The following CSMD1 variants were observed in gnomAD, a reference collection of about 807,000 sequenced individuals.
CSMD1 encodes the protein CUB and Sushi multiple domains 1.
In CSMD1, 213 loss-of-function variants were observed where a neutral mutation model predicts 417.5. The ratio of observed to expected loss-of-function variants is 0.51; its 90% CI spans 0.46 to 0.57. CSMD1 has a LOEUF of 0.57. Ranked by LOEUF, CSMD1 falls within the 20% of genes least tolerant of loss-of-function variation. The pLI, the probability that CSMD1 is intolerant of heterozygous loss-of-function variation, is 0.00. For missense variants in CSMD1, 6,923 were observed against 4,529.7 expected, an observed-to-expected ratio of 1.53 and a Z score of -15.17; for synonymous variants, 2,862 against 1,736.8, an observed-to-expected ratio of 1.65 and a Z score of -16.11.
At chr8:3,895,260 G>C (rs1783543420) in intron 5 of CSMD1, among the ~76,000 whole-genome samples, 1 of 152,132 alleles carries the variant, frequency 6.6e-6, no homozygotes, top group African/African-American at 2.4e-5. Flanking sequence ...ACAACAAAGA[G>C]ATGGTCTACT....
Position 3,535,027 on chromosome 8 carries a change from A to G in CSMD1, c.1344+39918T>C, listed in dbSNP as rs552528075. 1.1e-4 allele frequency among the ~76,000 whole-genome samples: 17 copies of G among 152,302 alleles called. No individual in the cohort carries two copies. The South Asian group carries it at 2.5e-3, about 22-fold the overall frequency. On this transcript the variant is annotated intron_variant, in intron 10 of 69. Coordinates refer to ENST00000635120, the MANE Select transcript of CSMD1 (RefSeq NM_033225.6). ...CAGTGGTGCAATCAGAACTCACCGT[A>G]GCATTCAACTCCTGGGCTTAAGCCA...
At chr8:3,825,108 G>A (rs751009380) in intron 5 of CSMD1, among the ~76,000 whole-genome samples, 11 of 152,080 alleles carry the variant, frequency 7.2e-5, no homozygotes, top group Non-Finnish European at 1.6e-4. Context: ...AGGCATTTTC[G>A]AGGAAAATGA....
chr8:3,231,147 G>A (rs1348727082), intron 26 of CSMD1, among the ~76,000 whole-genome samples: 1 of 152,116 alleles, frequency 6.6e-6, no homozygotes, highest in East Asian at 1.9e-4. Context: ...AATAGCAGTT[G>A]TTTTCTCCAG....
At chr8:4,782,421 C>T (rs1176394623) in intron 1 of CSMD1, among the ~76,000 whole-genome samples, 1 of 152,014 alleles carries the variant, frequency 6.6e-6, no homozygotes, top group African/African-American at 2.4e-5. Flanking sequence ...TTATAAAAGA[C>T]ACCACAGTTT....
chr8:4,576,219 C>T (rs1258633822), intron 2 of CSMD1, among the ~76,000 whole-genome samples: 1 of 152,206 alleles, frequency 6.6e-6, no homozygotes, highest in Non-Finnish European at 1.5e-5. Flanking sequence ...CAGTCCCCAC[C>T]TCGTCTTCTG....
intron 18 of CSMD1, among the ~76,000 whole-genome samples, chr8:3,372,405 G>A (rs1001890424): frequency 2.0e-5 from 3 of 152,090 alleles, no homozygotes; most frequent in Non-Finnish European, 4.4e-5. Flanking sequence ...ACGATCTCAT[G>A]ACCTACCTGG....
chr8:3,084,085 A>G (rs575095007), intron 49 of CSMD1, among the ~76,000 whole-genome samples: 6 of 152,216 alleles, frequency 3.9e-5, no homozygotes, highest in Non-Finnish European at 7.4e-5. Flanking sequence ...CTGTGAGTGG[A>G]TGGGAGAAGG....
intron 7 of CSMD1, among the ~76,000 whole-genome samples, chr8:3,659,224 G>A (rs1056842586): frequency 6.6e-6 from 1 of 152,180 alleles, no homozygotes; most frequent in African/African-American, 2.4e-5. Context: ...CCAGGGAGGT[G>A]AAATTGTGTA....
intron 1 of CSMD1, among the ~76,000 whole-genome samples, chr8:4,646,986 C>T (rs116157378): frequency 0.012 from 1,808 of 152,254 alleles, 40 homozygotes; most frequent in East Asian, 0.1. Flanking sequence ...GGGATGTGGA[C>T]CTAGTCATAG....
chr8:3,880,934 G>C (rs1330459878), intron 5 of CSMD1, among the ~76,000 whole-genome samples: 2 of 152,042 alleles, frequency 1.3e-5, no homozygotes, highest in Non-Finnish European at 2.9e-5. Context: ...TATTACATTG[G>C]ATGCAAAATT....
chr8:4,358,340 T>C (rs566890559), intron 3 of CSMD1, among the ~76,000 whole-genome samples: 2 of 152,282 alleles, frequency 1.3e-5, no homozygotes, highest in Admixed American at 6.5e-5. Context: ...GTAAGGCCCA[T>C]GAGCTTAGAA....
At chr8:4,055,598 T>A (rs1265143787) in intron 3 of CSMD1, among the ~76,000 whole-genome samples, 5 of 152,032 alleles carry the variant, frequency 3.3e-5, no homozygotes, top group African/African-American at 1.2e-4. Flanking sequence ...TTAATAACGT[T>A]AAGAATTTTA....
chr8:4,586,737 C>G (rs369479699), intron 2 of CSMD1, among the ~76,000 whole-genome samples: 2 of 152,148 alleles, frequency 1.3e-5, no homozygotes, highest in East Asian at 3.9e-4. Flanking sequence ...GAGAGAGATC[C>G]TCCATGAATA....
chr8:3,307,590 T>G, intron 25 of CSMD1, 105 bp downstream of exon 25: 2 of 1,298,806 alleles, frequency 1.5e-6, no homozygotes, highest in Non-Finnish European at 2.1e-6. Flanking sequence ...TCTTCTTTAG[T>G]TCAGAAACTT....
At chr8:2,992,391 G>C (rs542581684) in intron 54 of CSMD1, among the ~76,000 whole-genome samples, 3 of 151,966 alleles carry the variant, frequency 2.0e-5, no homozygotes, top group South Asian at 2.1e-4. Context: ...ACTTTAGAAC[G>C]GTTAACTAGG....
intron 5 of CSMD1, among the ~76,000 whole-genome samples, chr8:3,798,614 C>T (rs914633569): frequency 6.6e-6 from 1 of 152,044 alleles, no homozygotes; most frequent in Non-Finnish European, 1.5e-5. Context: ...ACTTTGCTTC[C>T]ATGAAGCCAG....
intron 3 of CSMD1, among the ~76,000 whole-genome samples, chr8:4,378,133 T>C (rs1802873060): frequency 6.6e-6 from 1 of 152,210 alleles, no homozygotes; most frequent in African/African-American, 2.4e-5. Context: ...GCATGGAGTG[T>C]ACATGCTTCA....
At chr8:3,680,538 ATAAT>A (rs1376596897) in intron 7 of CSMD1, among the ~76,000 whole-genome samples, 13 of 152,204 alleles carry the variant, frequency 8.5e-5, no homozygotes, top group African/African-American at 2.9e-4. Context: ...AATTGAGGTA[ATAAT>A]TAATAGCTTA....
chr8:3,884,679 A>G (rs995418161), intron 5 of CSMD1, among the ~76,000 whole-genome samples: 12 of 152,058 alleles, frequency 7.9e-5, no homozygotes, highest in African/African-American at 2.9e-4. Context: ...TCTCTTTTAA[A>G]TTATAATTTT....
Sources: gnomAD v4.1 joint callset for allele counts (sites outside exome capture counted in the v4.1 genomes callset) on GRCh38, gnomAD v4.1.1 for gene constraint, MANE v1.5 for transcripts, NCBI Gene and HGNC (gene_info 2026-07-23, HGNC 2026-07-21) for gene names.